Variants in MYCBP2 observed in about 807,000 individuals in gnomAD.
The protein encoded by MYCBP2 is E3 ubiquitin-protein ligase MYCBP2.
Under a neutral mutation model 525.3 loss-of-function variants are expected in MYCBP2, and 120 were observed. The observed-to-expected ratio is 0.23, with a 90% CI of 0.20 to 0.27. The LOEUF is 0.27. MYCBP2 is among the 10% of genes least tolerant of loss of function. The pLI is 1.00. For synonymous variants in MYCBP2, 1,894 were observed against 1,955.8 expected (o/e 0.97, Z 0.83); for missense variants, 4,149 against 5,657.1 (o/e 0.73, Z 8.55).
chr13:77,077,049 C>A, intron 67 of MYCBP2, 99 bp downstream of exon 67: 7 of 1,485,150 alleles, frequency 4.7e-6, no homozygotes, highest in Non-Finnish European at 5.4e-6. Flanking sequence ...CATTTATAGC[C>A]AGAAATTTCT....
intron 27 of MYCBP2, among the ~76,000 whole-genome samples, chr13:77,192,794 G>C (rs992753695): frequency 6.6e-6 from 1 of 152,138 alleles, no homozygotes; most frequent in Admixed American, 6.6e-5. Flanking sequence ...CTCTATAAAT[G>C]AAACTGTGCT....
At chr13:77,247,017 T>C (rs2070157315) in intron 15 of MYCBP2, among the ~76,000 whole-genome samples, 1 of 152,128 alleles carries the variant, frequency 6.6e-6, no homozygotes, top group Non-Finnish European at 1.5e-5. Flanking sequence ...ATCATAATGG[T>C]GAGAGACTGA....
intron 5 of MYCBP2, among the ~76,000 whole-genome samples, chr13:77,272,961 G>A (rs2075083803): frequency 6.6e-6 from 1 of 152,150 alleles, no homozygotes; most frequent in African/African-American, 2.4e-5. Flanking sequence ...CTAAAATGGT[G>A]ATGAGCTTGT....
At chr13:77,309,537 G>A (rs1318569434) in intron 1 of MYCBP2, among the ~76,000 whole-genome samples, 1 of 152,112 alleles carries the variant, frequency 6.6e-6, no homozygotes, top group East Asian at 1.9e-4. Context: ...TCCCAAGAAT[G>A]GACTCTTGAG....
chr13:77,151,247 A>G (rs1363498536), intron 46 of MYCBP2, among the ~76,000 whole-genome samples: 1 of 152,248 alleles, frequency 6.6e-6, no homozygotes, highest in East Asian at 1.9e-4. Flanking sequence ...AAGATAGTGG[A>G]ATGAATCTAC....
chr13:77,113,055 GCT>G (rs2049102895), intron 55 of MYCBP2, among the ~76,000 whole-genome samples: 1 of 152,232 alleles, frequency 6.6e-6, no homozygotes, highest in East Asian at 1.9e-4. Context: ...CATGAACAGT[GCT>G]TAGTACACTG....
At position 77,205,487 on chromosome 13, in the gene MYCBP2, A is replaced by G; in HGVS notation, c.3701T>C (p.Val1234Ala). Residue 1234 changes from valine to alanine, a missense_variant, in exon 25 of 83, where the codon GTA (valine) becomes GCA (alanine). By Grantham distance (64) the Val-to-Ala change is moderately conservative. Coordinates refer to ENST00000544440, the MANE Select transcript of MYCBP2 (RefSeq NM_015057.5). ...AGTATACATACTTTCAAACCTGTTT[A>G]CCACACTATAATCTTCTTTAGAATA... Reference protein sequence around the residue: ...KVYSKEDYSVVNRFESHGGGW... With the variant: ...KVYSKEDYSVANRFESHGGGW... 2 of 1,613,490 alleles carry G rather than the reference A, an allele frequency of 1.2e-6. No individual in the cohort carries two copies.
chr13:77,071,302 CACACACAA>C (rs1001524561), intron 68 of MYCBP2, among the ~76,000 whole-genome samples: 2 of 151,792 alleles, frequency 1.3e-5, no homozygotes, highest in African/African-American at 4.8e-5. Context: ...CACACACACA[CACACACAA>C]ATCTTATCTA....
chr13:77,254,704 T>C (rs1266346267), intron 14 of MYCBP2, among the ~76,000 whole-genome samples: 2 of 151,860 alleles, frequency 1.3e-5, no homozygotes, highest in Non-Finnish European at 3.0e-5. Context: ...TTAGAACTTA[T>C]TCCTTCTCTC....
intron 13 of MYCBP2, among the ~76,000 whole-genome samples, chr13:77,258,469 T>C (rs1567074460): frequency 1.3e-5 from 2 of 151,738 alleles, no homozygotes; most frequent in Non-Finnish European, 3.0e-5. Context: ...CAATCAAAGA[T>C]TATTATTTTT....
chr13:77,171,609 A>G lies in MYCBP2; in HGVS notation c.5677T>C (p.Ser1893Pro). The G allele has an allele frequency of 6.2e-7, 1 of 1,614,098 alleles. No homozygotes were observed. The highest frequency in any genetic ancestry group is 8.5e-7 in the Non-Finnish European group (1 of 1,179,982). The change falls in exon 38 of 83, where the codon TCC becomes CCC. Residue 1893 changes from serine (S) to proline (P), a missense_variant. This residue lies in a region of MYCBP2 where 692 missense variants were observed against 852.7 expected (regional missense o/e 0.81). Transcript: ENST00000544440. ...YRSEFDGDLQSQLLSKANEED... is the reference protein window; with the variant it reads ...YRSEFDGDLQPQLLSKANEED... Reference sequence around the variant, plus strand: ...TCATTGGCTTTACTCAGAAGTTGGGATTGTAAATCTCCATCAAATTCACTC... The same window carrying G: ...TCATTGGCTTTACTCAGAAGTTGGGGTTGTAAATCTCCATCAAATTCACTC...
chr13:77,128,373 C>CA (rs1243555838), intron 52 of MYCBP2, among the ~76,000 whole-genome samples: 1 of 151,744 alleles, frequency 6.6e-6, no homozygotes, highest in African/African-American at 2.4e-5. Flanking sequence ...ATAGATTTAG[C>CA]AAAAAAACCC....
chr13:77,235,718 G>A (rs527322526), intron 17 of MYCBP2, among the ~76,000 whole-genome samples: 1 of 151,962 alleles, frequency 6.6e-6, no homozygotes, highest in Non-Finnish European at 1.5e-5. Flanking sequence ...AGGGGAGGGA[G>A]GGTTTACACA....
chr13:77,158,041 T>G lies in MYCBP2; in HGVS notation c.6666A>C (p.Glu2222Asp). ...GGAGTGGTAAATTTCCCTCAAGTGC[T>G]TCTAATATAGTTGGTGAATGAGAAA... The part of the protein sequence containing the change: ...LALSHSPTIL[E>D]ALEGNLPLQI... Residue 2222 changes from glutamate (E) to aspartate (D), a missense_variant, in exon 45 of 83, where the codon GAA becomes GAC. Coordinates refer to ENST00000544440, the MANE Select transcript of MYCBP2 (RefSeq NM_015057.5). 1 of 1,613,558 alleles carries G rather than the reference T, an allele frequency of 6.2e-7. No homozygotes were observed. The highest frequency in any genetic ancestry group is 8.5e-7 in the Non-Finnish European group (1 of 1,179,660).
chr13:77,135,589 T>C (rs1380437072), intron 52 of MYCBP2, among the ~76,000 whole-genome samples: 1 of 152,206 alleles, frequency 6.6e-6, no homozygotes, highest in African/African-American at 2.4e-5. Flanking sequence ...AGTTAATACC[T>C]GTACTGAAGT....
At chr13:77,145,028 C>A (rs1278778281) in intron 48 of MYCBP2, among the ~76,000 whole-genome samples, 1 of 152,180 alleles carries the variant, frequency 6.6e-6, no homozygotes, top group African/African-American at 2.4e-5. Flanking sequence ...TCGATTAGCA[C>A]ACAAACTTTA....
chr13:77,326,734 G>A lies in MYCBP2; in HGVS notation c.42C>T (p.Ser14=), dbSNP rs1457319673. 1 of 1,410,436 alleles carries A rather than the reference G, an allele frequency of 7.1e-7. No homozygotes were observed. Among genetic ancestry groups the A allele is most frequent in the African/African-American group, 1.5e-5 (1 of 65,502 alleles). 87.4% of individuals were successfully genotyped at this position (1,410,436 alleles called of 1,614,324 possible). A position where few individuals can be genotyped will look rare whatever the true frequency, so the allele number is the denominator to read the frequency against. The part of the protein sequence containing the change: ...CAATASPAAA[S]SGLGGDGFYP... ...AGAATCCGTCCCCGCCGAGCCCCGA[G>A]GAGGCGGCGGCGGGGGAGGCAGTCG... is the stretch of plus-strand genomic sequence containing the variant. Residue 14 remains serine (S), a synonymous_variant, in exon 1 of 83, where the codon TCC becomes TCT. Transcript: ENST00000544440. The surrounding 1 kb of genome is among the most constrained non-coding windows in gnomAD (Gnocchi z 4.2).
chr13:77,261,163 C>G lies in MYCBP2; in HGVS notation c.1852+8G>C. ...TTTATTAAATGCATAGTTGATCACT[C>G]AACTTACTTGATTCTCCATCTTCTC... is the stretch of plus-strand genomic sequence containing the variant. On this transcript the variant is annotated splice_region_variant and intron_variant, in intron 12 of 82. Coordinates refer to ENST00000544440, the MANE Select transcript of MYCBP2 (RefSeq NM_015057.5). The G allele has an allele frequency of 6.2e-7, 1 of 1,607,136 alleles. No homozygotes were observed. Among genetic ancestry groups the G allele is most frequent in the Non-Finnish European group, 8.5e-7 (1 of 1,175,268 alleles).
chr13:77,172,259 C>T (rs1035367828), intron 37 of MYCBP2, among the ~76,000 whole-genome samples: 9 of 151,356 alleles, frequency 5.9e-5, no homozygotes, highest in Admixed American at 5.3e-4. Context: ...ACTGTCAGGG[C>T]AAAAGGAACA....
Sources: gnomAD v4.1 joint callset for allele counts (sites outside exome capture counted in the v4.1 genomes callset) on GRCh38, gnomAD v4.1.1 for gene constraint, gnomAD v4.1.1 regional missense constraint, Gnocchi (gnomAD v3.1) non-coding constraint, MANE v1.5 for transcripts, NCBI Gene and HGNC (gene_info 2026-07-23, HGNC 2026-07-21) for gene names.